Variants in LRRC4C observed in about 807,000 individuals in gnomAD.
LRRC4C encodes the protein leucine-rich repeat-containing protein 4C.
In LRRC4C, 5 loss-of-function variants were observed where a neutral mutation model predicts 33.6. The observed-to-expected ratio is 0.15, with a 90% CI of 0.08 to 0.31. LRRC4C has a LOEUF of 0.31. LRRC4C is among the 10% of genes least tolerant of loss of function. The pLI, the probability that LRRC4C is intolerant of heterozygous loss-of-function variation, is 1.00. For missense variants in LRRC4C, 560 were observed against 796.7 expected (o/e 0.70, Z 3.58); for synonymous variants, 329 against 302.0 (o/e 1.09, Z -0.93).
intron 3 of LRRC4C, among the ~76,000 whole-genome samples, chr11:40,321,845 CCTT>C (rs1447497331): frequency 5.3e-5 from 8 of 152,190 alleles, no homozygotes; most frequent in African/African-American, 1.4e-4. Flanking sequence ...GATGTCTCCT[CCTT>C]CTTTCAATCT....
At chr11:41,157,886 C>T (rs1944303191) in intron 1 of LRRC4C, among the ~76,000 whole-genome samples, 1 of 151,814 alleles carries the variant, frequency 6.6e-6, no homozygotes, top group African/African-American at 2.4e-5. Flanking sequence ...AGCGTTTATC[C>T]ATTGTGTTAC....
intron 2 of LRRC4C, among the ~76,000 whole-genome samples, chr11:40,820,385 G>A (rs1241874502): frequency 6.6e-6 from 1 of 151,994 alleles, no homozygotes; most frequent in Admixed American, 6.6e-5. Flanking sequence ...AAAGAAAAAT[G>A]TAGTAGAGAT....
intron 1 of LRRC4C, among the ~76,000 whole-genome samples, chr11:41,067,792 C>T (rs991691682): frequency 6.6e-6 from 1 of 152,186 alleles, no homozygotes; most frequent in Non-Finnish European, 1.5e-5. Context: ...GAACAACTTG[C>T]TCCTGAATGA....
intron 2 of LRRC4C, among the ~76,000 whole-genome samples, chr11:40,654,585 AT>A (rs931052161): frequency 2.0e-5 from 3 of 152,150 alleles, no homozygotes; most frequent in Non-Finnish European, 4.4e-5. Context: ...CTAGGAAGTG[AT>A]TAACTTGCTT....
chr11:40,782,553 T>C (rs1950255542), intron 2 of LRRC4C, among the ~76,000 whole-genome samples: 1 of 152,186 alleles, frequency 6.6e-6, no homozygotes, highest in East Asian at 1.9e-4. Context: ...TCTCATACTC[T>C]TGGCCTTCCA....
At chr11:41,179,649 A>G (rs1428498780) in intron 1 of LRRC4C, among the ~76,000 whole-genome samples, 1 of 152,212 alleles carries the variant, frequency 6.6e-6, no homozygotes, top group African/African-American at 2.4e-5. Context: ...ATTACAAACC[A>G]TTTATGAGTT....
At chr11:40,759,221 ATATAT>A (rs1363371868) in intron 2 of LRRC4C, among the ~76,000 whole-genome samples, 2 of 147,398 alleles carry the variant, frequency 1.4e-5, no homozygotes, top group Admixed American at 1.4e-4. Flanking sequence ...ATAATCGTCC[ATATAT>A]TATATTATAT....
intron 3 of LRRC4C, among the ~76,000 whole-genome samples, chr11:40,323,058 T>G (rs1945929929): frequency 6.6e-6 from 1 of 152,166 alleles, no homozygotes; most frequent in South Asian, 2.1e-4. Flanking sequence ...CTATACATAT[T>G]TGAAATTAAA....
At chr11:41,340,318 G>A (rs1951588112) in intron 1 of LRRC4C, among the ~76,000 whole-genome samples, 1 of 152,148 alleles carries the variant, frequency 6.6e-6, no homozygotes, top group African/African-American at 2.4e-5. Flanking sequence ...GAATTAACAA[G>A]CTAAATCTTA....
chr11:40,621,976 C>A (rs1365427424), intron 3 of LRRC4C, among the ~76,000 whole-genome samples: 1 of 151,772 alleles, frequency 6.6e-6, no homozygotes, highest in African/African-American at 2.4e-5. Flanking sequence ...TGAATCCAGG[C>A]AGTCTCATTC....
At chr11:40,972,231 G>C (rs1851776228) in intron 1 of LRRC4C, among the ~76,000 whole-genome samples, 1 of 151,532 alleles carries the variant, frequency 6.6e-6, no homozygotes, top group South Asian at 2.1e-4. Flanking sequence ...CCACATCTTG[G>C]GTTCATGCAA....
At chr11:40,153,229 T>C (rs1209670320) in intron 5 of LRRC4C, among the ~76,000 whole-genome samples, 1 of 152,022 alleles carries the variant, frequency 6.6e-6, no homozygotes, top group Non-Finnish European at 1.5e-5. Context: ...GCCATGTCCA[T>C]AGGAAAAGTG....
chr11:41,173,935 G>T (rs1171447269), intron 1 of LRRC4C, among the ~76,000 whole-genome samples: 1 of 152,016 alleles, frequency 6.6e-6, no homozygotes, highest in African/African-American at 2.4e-5. Flanking sequence ...AACTTTAAAA[G>T]TTATAATGTT....
chr11:40,537,751 G>A (rs1377506084), intron 3 of LRRC4C, among the ~76,000 whole-genome samples: 2 of 152,090 alleles, frequency 1.3e-5, no homozygotes, highest in African/African-American at 4.8e-5. Flanking sequence ...TGGATCAGAT[G>A]TGATACAGAT....
chr11:41,263,896 T>G (rs1949063302), intron 1 of LRRC4C, among the ~76,000 whole-genome samples: 1 of 152,044 alleles, frequency 6.6e-6, no homozygotes, highest in African/African-American at 2.4e-5. Flanking sequence ...CATTTTAGAC[T>G]TAAGATTGGG....
intron 1 of LRRC4C, among the ~76,000 whole-genome samples, chr11:41,346,438 G>C (rs188245095): frequency 6.6e-6 from 1 of 152,182 alleles, no homozygotes; most frequent in Non-Finnish European, 1.5e-5. Context: ...TCCTCCAGCA[G>C]AAAAATAACA....
intron 4 of LRRC4C, among the ~76,000 whole-genome samples, chr11:40,274,414 GACACACACATAC>G (rs1406783278): frequency 1.9e-4 from 12 of 63,178 alleles, no homozygotes; most frequent in South Asian, 5.5e-4. Context: ...CTGCGGAATA[GACACACACATAC>G]ACACACACAC....
At chr11:41,402,290 C>T (rs1954055601) in intron 1 of LRRC4C, among the ~76,000 whole-genome samples, 1 of 151,894 alleles carries the variant, frequency 6.6e-6, no homozygotes, top group Non-Finnish European at 1.5e-5. Flanking sequence ...AGTTATAATC[C>T]ATCAAATAGT....
At chr11:41,342,280 G>A (rs1412243721) in intron 1 of LRRC4C, among the ~76,000 whole-genome samples, 1 of 152,106 alleles carries the variant, frequency 6.6e-6, no homozygotes, top group South Asian at 2.1e-4. Context: ...ATCATGTGGT[G>A]GCACCACATA....
Sources: allele counts gnomAD v4.1 joint callset (sites outside exome capture counted in the v4.1 genomes callset), GRCh38; gene constraint gnomAD v4.1.1; transcripts MANE v1.5; gene names NCBI Gene and HGNC (gene_info 2026-07-23, HGNC 2026-07-21).